The following SPRR2F variants were observed in gnomAD, a reference collection of about 807,000 sequenced individuals.
SPRR2F encodes the protein small proline-rich protein 2F.
SPRR2F carries 2 observed loss-of-function variants against 0.8 expected under a neutral mutation model. The observed-to-expected ratio is 2.52, with a 90% confidence interval of 1.03 to 7.95. The LOEUF (loss-of-function observed/expected upper bound fraction) is 7.95, where lower values mean the gene tolerates loss of function less well. Among genes scored for constraint, SPRR2F ranks in the 30% most tolerant of loss-of-function variants. The pLI, the probability that SPRR2F is intolerant of heterozygous loss-of-function variation, is 0.04. For synonymous variants in SPRR2F, 39 were observed against 33.4 expected (o/e 1.17, Z -0.58); for missense variants, 80 against 85.8 (o/e 0.93, Z 0.27).
chr1:153,116,206 G>T (rs1655720112), upstream of SPRR2F, among the ~76,000 whole-genome samples: 1 of 152,088 alleles, frequency 6.6e-6, no homozygotes, highest in Non-Finnish European at 1.5e-5. Context: ...CATTAATGTT[G>T]CAGAATTCTT....
At chr1:153,115,021 C>T (rs563672192), upstream of SPRR2F, among the ~76,000 whole-genome samples, 8 of 152,248 alleles carry the variant, frequency 5.3e-5, no homozygotes, top group South Asian at 1.7e-3. Flanking sequence ...ACCAGCTATG[C>T]TCCAGGAAGG....
At chr1:153,116,668 C>G (rs1329383728), upstream of SPRR2F, among the ~76,000 whole-genome samples, 4 of 152,178 alleles carry the variant, frequency 2.6e-5, no homozygotes, top group African/African-American at 9.6e-5. Flanking sequence ...AATCACCATT[C>G]CTCCTACCAG....
At chr1:153,113,126 A>G (rs760924777) in intron 1 of SPRR2F, among the ~76,000 whole-genome samples, 4 of 152,230 alleles carry the variant, frequency 2.6e-5, no homozygotes, top group Non-Finnish European at 4.4e-5. Context: ...ACATAGGCAC[A>G]CAGAAAACGA....
At chr1:153,116,574 G>T (rs1440386311), upstream of SPRR2F, among the ~76,000 whole-genome samples, 1 of 152,116 alleles carries the variant, frequency 6.6e-6, no homozygotes, top group Non-Finnish European at 1.5e-5. Flanking sequence ...GGGGCTGGAC[G>T]TGAGTAGGAA....
rs1176174646 is a variant in SPRR2F, at chr1:153,112,690, G to T, written c.44C>A (p.Pro15His). 2.5e-6 allele frequency: 4 copies of T among 1,612,326 alleles called. No individual in the cohort carries two copies. The South Asian group carries it at 4.4e-5, about 18-fold the overall frequency. The change falls in exon 2 of 2, where the codon CCT becomes CAT. Residue 15 changes from proline (P) to histidine (H), a missense_variant. Physicochemically the swap from Pro to His is moderately conservative, Grantham distance 77. Coordinates refer to ENST00000468739, the MANE Select transcript of SPRR2F (RefSeq NM_001014450.3). Reference protein sequence around the residue: ...QQQCKQPCQPPPVCPAPKCPE... With the variant: ...QQQCKQPCQPHPVCPAPKCPE... The stretch of plus-strand genomic sequence containing the variant: ...GCACTTTGGCGCGGGGCACACAGGA[G>T]GTGGCTGGCAGGGCTGCTTGCACTG...
At chr1:153,116,699 C>T (rs1310775786), upstream of SPRR2F, among the ~76,000 whole-genome samples, 1 of 151,950 alleles carries the variant, frequency 6.6e-6, no homozygotes, top group African/African-American at 2.4e-5. Flanking sequence ...ACAGAGAAGC[C>T]ATAGGCACCC....
chr1:153,119,365 A>T, the SPRR2F span, among the ~76,000 whole-genome samples: 1 of 152,240 alleles, frequency 6.6e-6, no homozygotes, highest in South Asian at 2.1e-4. Flanking sequence ...TACATGGAAG[A>T]CACAACGGTT....
chr1:153,118,745 G>A, the SPRR2F span, among the ~76,000 whole-genome samples: 1 of 152,128 alleles, frequency 6.6e-6, no homozygotes, highest in Non-Finnish European at 1.5e-5. Context: ...GTAAAAGGAT[G>A]CTAGAGAGAA....
chr1:153,112,665 G>A lies in SPRR2F; in HGVS notation c.69C>T (p.Cys23=). 6.2e-7 allele frequency: 1 copy of A among 1,612,428 alleles called. No homozygotes were observed. The highest frequency in any genetic ancestry group is 8.5e-7 in the Non-Finnish European group (1 of 1,179,852). The part of the protein sequence containing the change: ...QPPPVCPAPK[C]PEPCPPPKCP... ...ACTTCGGGGGTGGACATGGCTCTGG[G>A]CACTTTGGCGCGGGGCACACAGGAG... The change falls in exon 2 of 2, where the codon TGC becomes TGT. Residue 23 remains cysteine (C), a synonymous_variant. Transcript: ENST00000468739.
In SPRR2F at chr1:153,112,492, G is replaced by A; in HGVS notation, c.*23C>T. On this transcript the variant is annotated 3_prime_UTR_variant, in exon 2 of 2. Coordinates refer to ENST00000468739, the MANE Select transcript of SPRR2F (RefSeq NM_001014450.3). ...GAGCCAATTATCCTTATCCTTTCAT[G>A]CTCCTGATGAATCCTGAAGCTGTTA... The A allele has an allele frequency of 6.2e-7, 1 of 1,603,710 alleles. No homozygotes were observed. Among genetic ancestry groups the A allele is most frequent in the Non-Finnish European group, 8.5e-7 (1 of 1,175,504 alleles).
chr1:153,113,987 C>A (rs1655662892), upstream of SPRR2F, among the ~76,000 whole-genome samples: 1 of 137,318 alleles, frequency 7.3e-6, no homozygotes, highest in South Asian at 2.3e-4. Context: ...GGGTTCTGGT[C>A]CCAGATTTTT....
chr1:153,114,485 C>T (rs138172078), upstream of SPRR2F, among the ~76,000 whole-genome samples: 18 of 152,270 alleles, frequency 1.2e-4, no homozygotes, highest in East Asian at 3.1e-3. Flanking sequence ...GCACAATCTG[C>T]ATAGACTCAC....
chr1:153,114,716 A>G (rs1655685810), upstream of SPRR2F, among the ~76,000 whole-genome samples: 1 of 152,092 alleles, frequency 6.6e-6, no homozygotes, highest in Admixed American at 6.5e-5. Context: ...GACCTGCTAG[A>G]TTATCAAGTC....
rs779731245 is a variant in SPRR2F, at chr1:153,112,663, G to C, written c.71C>G (p.Pro24Arg). ...GCACTTCGGGGGTGGACATGGCTCT[G>C]GGCACTTTGGCGCGGGGCACACAGG... ...PPPVCPAPKC[P>R]EPCPPPKCPE... Residue 24 changes from proline to arginine, a missense_variant, in exon 2 of 2, where the codon CCA (proline) becomes CGA (arginine). By Grantham distance (103) the Pro-to-Arg change is moderately radical (BLOSUM62 -2). Transcript: ENST00000468739. The C allele has an allele frequency of 1.2e-6, 2 of 1,612,472 alleles. No individual in the cohort carries two copies. The highest frequency in any genetic ancestry group is 1.7e-5 in the Admixed American group (1 of 60,012).
chr1:153,114,239 C>A (rs1237580125), upstream of SPRR2F, among the ~76,000 whole-genome samples: 1 of 151,918 alleles, frequency 6.6e-6, no homozygotes, highest in Non-Finnish European at 1.5e-5. Flanking sequence ...TCTTCTCCAC[C>A]CAATTTGTAC....
chr1:153,115,874 G>T (rs893809285), upstream of SPRR2F, among the ~76,000 whole-genome samples: 1 of 152,060 alleles, frequency 6.6e-6, no homozygotes, highest in Non-Finnish European at 1.5e-5. Flanking sequence ...CATAATTTTT[G>T]AAGGGATTAT....
At position 153,112,630 on chromosome 1, in the gene SPRR2F, G is replaced by A. The variant is rs1211021691; in HGVS notation, c.104C>T (p.Pro35Leu). The A allele has an allele frequency of 6.2e-6, 10 of 1,612,686 alleles. No homozygotes were observed. Among genetic ancestry groups the A allele is most frequent in the Non-Finnish European group, 7.6e-6 (9 of 1,179,858 alleles). ...CTGTGGACACTTTGATGGTGGGCAG[G>A]GCTCAGGGCACTTCGGGGGTGGACA... ...EPCPPPKCPE[P>L]CPPSKCPQSC... Residue 35 changes from proline (P) to leucine (L), a missense_variant, in exon 2 of 2, where the codon CCC becomes CTC. Coordinates refer to ENST00000468739, the MANE Select transcript of SPRR2F (RefSeq NM_001014450.3).
Position 153,112,690 on chromosome 1 carries a change from G to C in SPRR2F, c.44C>G (p.Pro15Arg). ...QQQCKQPCQP[P>R]PVCPAPKCPE... ...GCACTTTGGCGCGGGGCACACAGGA[G>C]GTGGCTGGCAGGGCTGCTTGCACTG... The change falls in exon 2 of 2, where the codon CCT becomes CGT. Residue 15 changes from proline (P) to arginine (R), a missense_variant. Coordinates refer to ENST00000468739, the MANE Select transcript of SPRR2F (RefSeq NM_001014450.3). The C allele has an allele frequency of 6.2e-7, 1 of 1,612,326 alleles. No homozygotes were observed. The highest frequency in any genetic ancestry group is 8.5e-7 in the Non-Finnish European group (1 of 1,179,852).
chr1:153,115,348 G>A (rs937710728), upstream of SPRR2F, among the ~76,000 whole-genome samples: 4 of 152,120 alleles, frequency 2.6e-5, no homozygotes, highest in African/African-American at 9.7e-5. Context: ...TTAGAGAAAT[G>A]TCTGATTTCT....
Sources: allele counts gnomAD v4.1 joint callset (sites outside exome capture counted in the v4.1 genomes callset), GRCh38; gene constraint gnomAD v4.1.1; transcripts MANE v1.5; gene names NCBI Gene and HGNC (gene_info 2026-07-23, HGNC 2026-07-21).